Variants in ADAMTS18 observed in about 807,000 individuals in gnomAD.
ADAMTS18 encodes A disintegrin and metalloproteinase with thrombospondin motifs 18.
In ADAMTS18, 157 loss-of-function variants were observed where a neutral mutation model predicts 165.9. The observed-to-expected ratio is 0.95, with a 90% confidence interval of 0.83 to 1.08. ADAMTS18 has a LOEUF of 1.08. ADAMTS18 is among the 50% of genes least tolerant of loss of function. ADAMTS18 has a pLI of 0.00. For synonymous variants in ADAMTS18, 782 were observed against 578.2 expected, an observed-to-expected ratio of 1.35 and a Z score of -5.06; for missense variants, 2,040 against 1,534.0, an observed-to-expected ratio of 1.33 and a Z score of -5.51.
At chr16:77,286,278 C>T (rs1193085526) in intron 22 of ADAMTS18, among the ~76,000 whole-genome samples, 1 of 152,154 alleles carries the variant, frequency 6.6e-6, no homozygotes, top group Non-Finnish European at 1.5e-5. Flanking sequence ...TCATTATAAT[C>T]TGAAGGTGTT....
At chr16:77,303,223 G>A (rs867440601) in intron 16 of ADAMTS18, among the ~76,000 whole-genome samples, 9 of 152,084 alleles carry the variant, frequency 5.9e-5, no homozygotes, top group African/African-American at 1.2e-4. Context: ...AAATGCACTC[G>A]TGTGGTTGAA....
chr16:77,374,805 T>A (rs1016706238), intron 3 of ADAMTS18, among the ~76,000 whole-genome samples: 1 of 152,136 alleles, frequency 6.6e-6, no homozygotes, highest in Non-Finnish European at 1.5e-5. Context: ...AAACACTTTG[T>A]CTCACATAGC....
At chr16:77,400,440 G>C (rs1597227013) in intron 3 of ADAMTS18, among the ~76,000 whole-genome samples, 1 of 101,980 alleles carries the variant, frequency 9.8e-6, no homozygotes, top group Non-Finnish European at 2.3e-5. Context: ...GTGTGTGTGT[G>C]TGTGTGTGTG....
At chr16:77,317,183 T>C (rs118012660) in intron 16 of ADAMTS18, among the ~76,000 whole-genome samples, 4,065 of 152,292 alleles carry the variant, frequency 0.027, 89 homozygotes, top group Middle Eastern at 0.12. Flanking sequence ...TATATATTCA[T>C]TTGTGTAGTG....
At chr16:77,318,300 G>A (rs2055923682) in intron 16 of ADAMTS18, among the ~76,000 whole-genome samples, 1 of 152,102 alleles carries the variant, frequency 6.6e-6, no homozygotes, top group Non-Finnish European at 1.5e-5. Context: ...CTCCCACAGA[G>A]GCAACCATTT....
chr16:77,395,754 A>T (rs2057248599), intron 3 of ADAMTS18, among the ~76,000 whole-genome samples: 2 of 152,194 alleles, frequency 1.3e-5, no homozygotes, highest in South Asian at 2.1e-4. Flanking sequence ...TTAAAAAAAA[A>T]TAGTAATAAT....
intron 3 of ADAMTS18, among the ~76,000 whole-genome samples, chr16:77,426,664 G>T (rs1202575812): frequency 1.3e-5 from 2 of 152,162 alleles, no homozygotes; most frequent in African/African-American, 4.8e-5. Flanking sequence ...CATCTTGTTG[G>T]TAAGCTTCAT....
intron 16 of ADAMTS18, 22 bp downstream of exon 16, chr16:77,319,827 T>G: frequency 6.2e-7 from 1 of 1,613,884 alleles, no homozygotes; most frequent in Non-Finnish European, 8.5e-7. Flanking sequence ...CACTGAGAAC[T>G]GAATACACAG....
In ADAMTS18 at chr16:77,332,452, C is replaced by A. The variant is rs551347171; in HGVS notation, c.1859+3304G>T. ...GAATGCCCACTGAATGTTCCCCAGTCTGTCAGGCATTCTAAAGATGCAATT... is the reference window on the plus strand; with the variant it reads ...GAATGCCCACTGAATGTTCCCCAGTATGTCAGGCATTCTAAAGATGCAATT... On this transcript the variant is annotated intron_variant, in intron 12 of 22. Transcript: ENST00000282849. Among the ~76,000 whole-genome samples, 53 of 152,286 alleles carry A rather than the reference C, an allele frequency of 3.5e-4. 2 individuals are homozygous for A. In the South Asian group the frequency reaches 0.011, roughly 31 times the overall value.
At chr16:77,422,117 T>G (rs539283929) in intron 3 of ADAMTS18, among the ~76,000 whole-genome samples, 47 of 152,134 alleles carry the variant, frequency 3.1e-4, no homozygotes, top group African/African-American at 1.1e-3. Flanking sequence ...TATGCATCGT[T>G]CCAGACCTGC....
In ADAMTS18 at chr16:77,391,705, T is replaced by C. The variant is rs575119153; in HGVS notation, c.496-23982A>G. Among the ~76,000 whole-genome samples, 4 of 151,716 alleles carry C rather than the reference T, an allele frequency of 2.6e-5. No homozygotes were observed. In the South Asian group the frequency reaches 8.4e-4, roughly 32 times the overall value. On this transcript the variant is annotated intron_variant, in intron 3 of 22. Coordinates refer to ENST00000282849, the MANE Select transcript of ADAMTS18 (RefSeq NM_199355.4). Reference sequence around the variant, plus strand: ...GCTGGGGTTAGAAACAGAATGACAATATCTGAAAATGACAACAAGAACTAC... The same window carrying C: ...GCTGGGGTTAGAAACAGAATGACAACATCTGAAAATGACAACAAGAACTAC...
intron 17 of ADAMTS18, among the ~76,000 whole-genome samples, chr16:77,298,295 T>A (rs2055514604): frequency 6.6e-6 from 1 of 152,128 alleles, no homozygotes; most frequent in African/African-American, 2.4e-5. Flanking sequence ...GGGCATATAT[T>A]TTTTTAAAAA....
At chr16:77,307,512 A>C (rs766587617) in intron 16 of ADAMTS18, among the ~76,000 whole-genome samples, 40 of 152,348 alleles carry the variant, frequency 2.6e-4, no homozygotes, top group Admixed American at 6.5e-4. Flanking sequence ...ACTCATCAAC[A>C]TTCCTCAGAG....
chr16:77,286,723 T>C (rs1309494241), intron 22 of ADAMTS18, among the ~76,000 whole-genome samples: 2 of 152,124 alleles, frequency 1.3e-5, no homozygotes, highest in Non-Finnish European at 1.5e-5. Flanking sequence ...CTTATTAGTA[T>C]TGAGTGCCTG....
chr16:77,407,446 G>C (rs139585745), intron 3 of ADAMTS18, among the ~76,000 whole-genome samples: 208 of 152,114 alleles, frequency 1.4e-3, no homozygotes, highest in African/African-American at 4.9e-3. Flanking sequence ...AATTTTGGTA[G>C]AAATTGGCAA....
At chr16:77,339,669 C>T (rs1408418812) in intron 11 of ADAMTS18, among the ~76,000 whole-genome samples, 1 of 151,204 alleles carries the variant, frequency 6.6e-6, no homozygotes, top group African/African-American at 2.4e-5. Flanking sequence ...GTAAAAAGGA[C>T]TTGAGCACTA....
At chr16:77,383,758 G>C (rs577126553) in intron 3 of ADAMTS18, among the ~76,000 whole-genome samples, 1 of 152,122 alleles carries the variant, frequency 6.6e-6, no homozygotes, top group Non-Finnish European at 1.5e-5. Context: ...GGTCAGGCTG[G>C]TCTTGAACTC....
intron 16 of ADAMTS18, among the ~76,000 whole-genome samples, chr16:77,306,823 A>T (rs1372188587): frequency 6.6e-6 from 1 of 152,218 alleles, no homozygotes; most frequent in Non-Finnish European, 1.5e-5. Flanking sequence ...TAATAAACCA[A>T]TACTCAAAGT....
At chr16:77,434,534 G>C in intron 1 of ADAMTS18, 29 bp from the exon 2 acceptor site, 1 of 1,539,614 alleles carries the variant, frequency 6.5e-7, no homozygotes, top group Non-Finnish European at 8.7e-7. Flanking sequence ...CATCGCGCGT[G>C]AGGGGCGCGG....
Sources: allele counts gnomAD v4.1 joint callset (sites outside exome capture counted in the v4.1 genomes callset), GRCh38; gene constraint gnomAD v4.1.1; transcripts MANE v1.5; gene names NCBI Gene and HGNC (gene_info 2026-07-23, HGNC 2026-07-21).